The following AFG1L variants were observed in gnomAD, a reference collection of about 807,000 sequenced individuals.
AFG1L encodes AFG1 like ATPase.
In AFG1L, 53 loss-of-function variants were observed where a neutral mutation model predicts 62.2. The observed-to-expected ratio is 0.85, with a 90% CI of 0.68 to 1.07. The LOEUF (loss-of-function observed/expected upper bound fraction) is 1.07. Ranked by LOEUF, AFG1L falls within the 50% of genes least tolerant of loss-of-function variation. The probability of loss-of-function intolerance (pLI) is 0.00; values close to 1 mark genes in which losing one functional copy is unlikely to be tolerated. For synonymous variants in AFG1L, 228 were observed against 210.3 expected, an observed-to-expected ratio of 1.08 and a Z score of -0.73; for missense variants, 555 against 590.5, an observed-to-expected ratio of 0.94 and a Z score of 0.62.
chr6:108,309,976 T>C (rs1396508051), intron 1 of AFG1L, among the ~76,000 whole-genome samples: 1 of 152,160 alleles, frequency 6.6e-6, no homozygotes, highest in South Asian at 2.1e-4. Flanking sequence ...GATAAAGAAC[T>C]TTATCATGGA....
chr6:108,380,896 C>T lies in AFG1L; in HGVS notation c.748+14564C>T, dbSNP rs548776620. Among the ~76,000 whole-genome samples the T allele has an allele frequency of 2.0e-5, 3 of 152,200 alleles. No individual in the cohort carries two copies. In the South Asian group the frequency reaches 6.2e-4, roughly 32 times the overall value. On this transcript the variant is annotated intron_variant, in intron 6 of 12. Transcript: ENST00000368977. ...CTTTCTCACATACTGGGGCTTCACTCATCTCTATCAGCTGGATGCTATCAT... is the reference window on the plus strand; with the variant it reads ...CTTTCTCACATACTGGGGCTTCACTTATCTCTATCAGCTGGATGCTATCAT...
chr6:108,421,660 T>C (rs1410544837), intron 7 of AFG1L, among the ~76,000 whole-genome samples: 4 of 152,128 alleles, frequency 2.6e-5, no homozygotes, highest in Non-Finnish European at 4.4e-5. Flanking sequence ...CCAAGGACTT[T>C]TGGATTCTCT....
At chr6:108,499,397 T>C (rs983934776) in intron 10 of AFG1L, among the ~76,000 whole-genome samples, 10 of 151,880 alleles carry the variant, frequency 6.6e-5, no homozygotes, top group Admixed American at 2.0e-4. Flanking sequence ...AAAGTCAGTT[T>C]TGATACTTGA....
At chr6:108,374,017 A>G (rs534540613) in intron 6 of AFG1L, among the ~76,000 whole-genome samples, 1 of 152,218 alleles carries the variant, frequency 6.6e-6, no homozygotes, top group South Asian at 2.1e-4. Flanking sequence ...TTTACTTTTT[A>G]ATACAAGCCA....
At chr6:108,407,692 TAAA>T (rs35463163) in intron 7 of AFG1L, among the ~76,000 whole-genome samples, 5 of 146,588 alleles carry the variant, frequency 3.4e-5, no homozygotes, top group Non-Finnish European at 4.5e-5. Flanking sequence ...CTCTGGAAAT[TAAA>T]AAAAAAAAAA....
At chr6:108,493,469 G>A (rs185857338) in intron 10 of AFG1L, among the ~76,000 whole-genome samples, 5 of 152,144 alleles carry the variant, frequency 3.3e-5, no homozygotes, top group African/African-American at 9.7e-5. Flanking sequence ...AAGAAGCTAG[G>A]CAAGACTTTC....
At chr6:108,356,669 G>A in intron 4 of AFG1L, 21 bp from the exon 5 acceptor site, 2 of 1,560,324 alleles carry the variant, frequency 1.3e-6, no homozygotes, top group East Asian at 2.3e-5. Context: ...TTTCATCTGT[G>A]TTTAATTTCA....
intron 8 of AFG1L, among the ~76,000 whole-genome samples, chr6:108,465,176 T>A (rs17291124): frequency 6.6e-6 from 1 of 152,208 alleles, no homozygotes; most frequent in Non-Finnish European, 1.5e-5. Flanking sequence ...GATATTTTCT[T>A]CTATGCTATG....
chr6:108,299,037 G>A (rs2114813059), intron 1 of AFG1L, among the ~76,000 whole-genome samples: 1 of 152,190 alleles, frequency 6.6e-6, no homozygotes, highest in East Asian at 1.9e-4. Flanking sequence ...GAGGCTGGCG[G>A]ATCACCTGAG....
In AFG1L at chr6:108,357,229, C is replaced by A. The variant is rs139162671; in HGVS notation, c.648+409C>A. Among the ~76,000 whole-genome samples the A allele has an allele frequency of 5.0e-3, 767 of 152,220 alleles. 4 individuals are homozygous for A. The highest frequency in any genetic ancestry group is 0.018 in the African/African-American group (741 of 41,518). ...GAGTAGCTGGAACTATAGGCTCATGCACCATACCTAGCAAATTTTTAAAAA... is the reference window on the plus strand; with the variant it reads ...GAGTAGCTGGAACTATAGGCTCATGAACCATACCTAGCAAATTTTTAAAAA... On this transcript the variant is annotated intron_variant, in intron 5 of 12. Coordinates refer to ENST00000368977, the MANE Select transcript of AFG1L (RefSeq NM_145315.5).
At chr6:108,462,990 T>A (rs1304354470) in intron 8 of AFG1L, among the ~76,000 whole-genome samples, 1 of 152,130 alleles carries the variant, frequency 6.6e-6, no homozygotes, top group East Asian at 1.9e-4. Context: ...TTTTTAGCTA[T>A]TAAAACTCCC....
chr6:108,415,455 C>T (rs556773538), intron 7 of AFG1L, among the ~76,000 whole-genome samples: 12 of 152,292 alleles, frequency 7.9e-5, no homozygotes, highest in African/African-American at 2.9e-4. Context: ...AAAGAGCCCA[C>T]ATTGCCAAGA....
intron 7 of AFG1L, among the ~76,000 whole-genome samples, chr6:108,445,357 G>A (rs1314067039): frequency 6.6e-6 from 1 of 152,114 alleles, no homozygotes; most frequent in South Asian, 2.1e-4. Context: ...CTTTCTTGTG[G>A]TTCATGTGTT....
At chr6:108,374,145 T>A (rs1780139954) in intron 6 of AFG1L, among the ~76,000 whole-genome samples, 2 of 152,186 alleles carry the variant, frequency 1.3e-5, no homozygotes, top group Admixed American at 1.3e-4. Context: ...TTTTGAGAAG[T>A]GTCTGTTCAT....
At chr6:108,467,005 A>G (rs9480858) in intron 8 of AFG1L, among the ~76,000 whole-genome samples, 55,084 of 151,512 alleles carry the variant, frequency 0.36, 10,593 homozygotes, top group Non-Finnish European at 0.44. Context: ...GAAGTCACAT[A>G]CATGTGAATA....
At chr6:108,494,853 C>T (rs1236742818) in intron 10 of AFG1L, among the ~76,000 whole-genome samples, 1 of 151,712 alleles carries the variant, frequency 6.6e-6, no homozygotes, top group Admixed American at 6.6e-5. Flanking sequence ...TCACTGCAAC[C>T]TACGCCTCCC....
intron 7 of AFG1L, among the ~76,000 whole-genome samples, chr6:108,442,975 G>C (rs1484326720): frequency 6.6e-6 from 1 of 152,166 alleles, no homozygotes; most frequent in African/African-American, 2.4e-5. Context: ...TTGCGTAACA[G>C]TACAACCCAG....
chr6:108,318,736 T>C (rs1489578766), intron 1 of AFG1L, among the ~76,000 whole-genome samples: 1 of 152,218 alleles, frequency 6.6e-6, no homozygotes, highest in East Asian at 1.9e-4. Flanking sequence ...CGCAGACTTT[T>C]TGGGTTCCTA....
At chr6:108,427,788 C>T (rs767181629) in intron 7 of AFG1L, among the ~76,000 whole-genome samples, 1 of 152,138 alleles carries the variant, frequency 6.6e-6, no homozygotes, top group Admixed American at 6.6e-5. Flanking sequence ...TCCCAAAGTG[C>T]TGGGATTACA....
Sources: gnomAD v4.1 joint callset for allele counts (sites outside exome capture counted in the v4.1 genomes callset) on GRCh38, gnomAD v4.1.1 for gene constraint, MANE v1.5 for transcripts, NCBI Gene and HGNC (gene_info 2026-07-23, HGNC 2026-07-21) for gene names.